VTCN1: variants seen among roughly 807,000 people sequenced by gnomAD.
VTCN1 encodes V-set domain-containing T-cell activation inhibitor 1.
In VTCN1, 26 loss-of-function variants were observed where a neutral mutation model predicts 26.5. The ratio of observed to expected loss-of-function variants is 0.98; its 90% CI spans 0.72 to 1.36. The LOEUF (loss-of-function observed/expected upper bound fraction) is 1.36. VTCN1 is among the 40% of genes most tolerant of loss of function. The probability of loss-of-function intolerance (pLI) is 0.00; values close to 1 mark genes in which losing one functional copy is unlikely to be tolerated. For synonymous variants in VTCN1, 116 were observed against 130.7 expected, an observed-to-expected ratio of 0.89 and a Z score of 0.77; for missense variants, 298 against 337.7, an observed-to-expected ratio of 0.88 and a Z score of 0.92.
At chr1:117,171,521 T>C (rs1652915846) in intron 1 of VTCN1, among the ~76,000 whole-genome samples, 1 of 152,218 alleles carries the variant, frequency 6.6e-6, no homozygotes, top group African/African-American at 2.4e-5. Context: ...ATGTGTTGTT[T>C]CCTGACTTTT....
chr1:117,165,274 T>C (rs1374728080), intron 2 of VTCN1, among the ~76,000 whole-genome samples: 1 of 152,230 alleles, frequency 6.6e-6, no homozygotes, highest in Non-Finnish European at 1.5e-5. Flanking sequence ...CTATTTGTTG[T>C]GTGTAGTAAG....
At chr1:117,202,802 CA>C (rs1207282148) in intron 1 of VTCN1, among the ~76,000 whole-genome samples, 27 of 152,182 alleles carry the variant, frequency 1.8e-4, no homozygotes, top group African/African-American at 6.3e-4. Flanking sequence ...ACCTCTACCT[CA>C]CTCTCCTTTC....
chr1:117,203,514 G>C, intron 1 of VTCN1: 1 of 722,780 alleles, frequency 1.4e-6, no homozygotes, highest in Non-Finnish European at 1.7e-6. Context: ...GCAGCAGCAG[G>C]AACACATCTG....
intron 1 of VTCN1, among the ~76,000 whole-genome samples, chr1:117,179,758 T>C (rs1049980012): frequency 6.6e-6 from 1 of 152,242 alleles, no homozygotes; most frequent in African/African-American, 2.4e-5. Context: ...AAAACCTTTG[T>C]TAATCATATA....
intron 2 of VTCN1, 171 bp from the exon 3 acceptor site, chr1:117,157,092 G>A: frequency 1.8e-6 from 1 of 557,770 alleles, no homozygotes; most frequent in Non-Finnish European, 2.9e-6. Flanking sequence ...CAATCATTTT[G>A]ATATATATAT....
At chr1:117,192,209 A>C (rs1185876322) in intron 1 of VTCN1, among the ~76,000 whole-genome samples, 1 of 152,182 alleles carries the variant, frequency 6.6e-6, no homozygotes, top group African/African-American at 2.4e-5. Flanking sequence ...ATTTTTCAGC[A>C]GAAGTCTTAC....
intron 1 of VTCN1, chr1:117,203,923 G>C (rs1245657651): frequency 3.0e-6 from 1 of 334,984 alleles, no homozygotes; most frequent in Non-Finnish European, 4.3e-6. Context: ...TGTGGATGCT[G>C]CTGGTTGGAA....
intron 1 of VTCN1, among the ~76,000 whole-genome samples, chr1:117,176,679 A>C (rs752641804): frequency 2.0e-5 from 3 of 152,234 alleles, no homozygotes; most frequent in Non-Finnish European, 2.9e-5. Context: ...ATTTATTTGA[A>C]TATACCAAGG....
At chr1:117,150,677 AGTGTT>A (rs553591972) in intron 4 of VTCN1, among the ~76,000 whole-genome samples, 2 of 152,238 alleles carry the variant, frequency 1.3e-5, no homozygotes, top group South Asian at 2.1e-4. Flanking sequence ...ACAGTTCAGT[AGTGTT>A]AAGTATATCC....
chr1:117,187,841 T>A (rs1379740340), intron 1 of VTCN1, among the ~76,000 whole-genome samples: 1 of 147,096 alleles, frequency 6.8e-6, no homozygotes, highest in Non-Finnish European at 1.5e-5. Context: ...AAACAAAAAA[T>A]AAAAAATAAA....
chr1:117,171,374 T>C (rs1652909837), intron 1 of VTCN1, among the ~76,000 whole-genome samples: 2 of 152,306 alleles, frequency 1.3e-5, no homozygotes, highest in Admixed American at 6.5e-5. Flanking sequence ...TACCCAGTAA[T>C]GGGATTGCTG....
intron 1 of VTCN1, among the ~76,000 whole-genome samples, chr1:117,174,551 G>A (rs1303400632): frequency 6.6e-6 from 1 of 152,190 alleles, no homozygotes; most frequent in Non-Finnish European, 1.5e-5. Context: ...CGGATTACCT[G>A]AGGTCAGGAG....
rs1651412403 is a variant in VTCN1, at chr1:117,144,492, A to G, written c.*779T>C. 6.6e-6 allele frequency: 1 copy of G among 152,180 alleles called. No individual in the cohort carries two copies. The highest frequency in any genetic ancestry group is 2.1e-4 in the South Asian group (1 of 4,826). The allele number at this position is 152,180 out of a possible 1,614,324, so 9.4% of individuals were successfully genotyped here. On this transcript the variant is annotated 3_prime_UTR_variant, in exon 6 of 6. Coordinates refer to ENST00000369458, the MANE Select transcript of VTCN1 (RefSeq NM_024626.4). ...AAGCCTCAGAGCTTGTGATGACATA[A>G]TGCCATATAGACAAGGTGAAAGGTC...
At chr1:117,184,759 A>G (rs1647855279) in intron 1 of VTCN1, among the ~76,000 whole-genome samples, 1 of 152,104 alleles carries the variant, frequency 6.6e-6, no homozygotes, top group South Asian at 2.1e-4. Flanking sequence ...CTTTCCTGCT[A>G]CTCAGAGGCT....
intron 1 of VTCN1, among the ~76,000 whole-genome samples, chr1:117,198,084 T>A (rs1201864904): frequency 6.6e-6 from 1 of 152,178 alleles, no homozygotes; most frequent in African/African-American, 2.4e-5. Context: ...CACTTCAACC[T>A]TACTCAGCTA....
Position 117,169,970 on chromosome 1 carries a change from A to G in VTCN1, c.97+137T>C. Reference sequence around the variant, plus strand: ...AACTGACTAATGTAGAGAAAGCACAAGAAGTAGAAGAATGAATGCTATACT... The same window carrying G: ...AACTGACTAATGTAGAGAAAGCACAGGAAGTAGAAGAATGAATGCTATACT... On this transcript the variant is annotated intron_variant, in intron 2 of 5. Coordinates refer to ENST00000369458, the MANE Select transcript of VTCN1 (RefSeq NM_024626.4). This position sits in a 1 kb window ranked among gnomAD's most constrained non-coding sequence, Gnocchi z 4.0. The G allele has an allele frequency of 1.4e-6, 1 of 739,884 alleles. No homozygotes were observed. The highest frequency in any genetic ancestry group is 2.5e-5 in the East Asian group (1 of 39,852). 45.8% of individuals were successfully genotyped at this position (739,884 alleles called of 1,614,324 possible).
chr1:117,201,002 A>C (rs972872357), intron 1 of VTCN1, among the ~76,000 whole-genome samples: 3 of 152,184 alleles, frequency 2.0e-5, no homozygotes, highest in Non-Finnish European at 2.9e-5. Flanking sequence ...TCTGGTCTCG[A>C]ATTCCTGGAC....
chr1:117,204,824 C>A (rs1012570880), intron 1 of VTCN1, among the ~76,000 whole-genome samples: 1 of 133,024 alleles, frequency 7.5e-6, no homozygotes, highest in South Asian at 2.9e-4. Flanking sequence ...CGAGATCACA[C>A]CACTGTACTC....
At chr1:117,195,020 C>T (rs1009712090) in intron 1 of VTCN1, among the ~76,000 whole-genome samples, 2 of 151,988 alleles carry the variant, frequency 1.3e-5, no homozygotes, top group East Asian at 1.9e-4. Context: ...AATCCCAGCA[C>T]TTTGGGAGGC....
Sources: gnomAD v4.1 joint callset for allele counts (sites outside exome capture counted in the v4.1 genomes callset) on GRCh38, gnomAD v4.1.1 for gene constraint, Gnocchi (gnomAD v3.1) non-coding constraint, MANE v1.5 for transcripts, NCBI Gene and HGNC (gene_info 2026-07-23, HGNC 2026-07-21) for gene names.